Variants in SSBP2 observed in about 807,000 individuals in gnomAD.
SSBP2 encodes the protein single-stranded DNA-binding protein 2.
In SSBP2, 17 loss-of-function variants were observed where a neutral mutation model predicts 61.8. That is an observed-to-expected ratio of 0.28 (90% CI 0.19 to 0.41). The LOEUF (loss-of-function observed/expected upper bound fraction) is 0.41, where lower values mean the gene tolerates loss of function less well. Among genes scored for constraint, SSBP2 ranks in the 10% least tolerant of loss-of-function variants. SSBP2 has a pLI of 1.00. For synonymous variants in SSBP2, 139 were observed against 141.3 expected, an observed-to-expected ratio of 0.98 and a Z score of 0.12; for missense variants, 310 against 458.7, an observed-to-expected ratio of 0.68 and a Z score of 2.96.
In SSBP2 at chr5:81,416,588, T is replaced by C. The variant is rs1386522678; in HGVS notation, c.*3916A>G. ...GCAGTTCTGAATGCTTTGCTATACA[T>C]TCCTAGGGACAATATGATGAAGAAA... is the stretch of plus-strand genomic sequence containing the variant. On this transcript the variant is annotated 3_prime_UTR_variant, in exon 17 of 17. Coordinates refer to ENST00000320672, the MANE Select transcript of SSBP2 (RefSeq NM_012446.5). 6.6e-6 allele frequency: 1 copy of C among 152,170 alleles called. No homozygotes were observed. Among genetic ancestry groups the C allele is most frequent in the African/African-American group, 2.4e-5 (1 of 41,438 alleles). 9.4% of individuals were successfully genotyped at this position (152,170 alleles called of 1,614,324 possible).
chr5:81,574,097 C>T (rs538851196), intron 4 of SSBP2, among the ~76,000 whole-genome samples: 8 of 151,950 alleles, frequency 5.3e-5, no homozygotes, highest in East Asian at 3.9e-4. Context: ...GCCGAGATCG[C>T]GCCACTGCAC....
At chr5:81,603,958 C>T (rs577963811) in intron 4 of SSBP2, among the ~76,000 whole-genome samples, 1 of 152,132 alleles carries the variant, frequency 6.6e-6, no homozygotes, top group East Asian at 1.9e-4. Flanking sequence ...TATATGCAAA[C>T]CATCATTGAA....
intron 3 of SSBP2, among the ~76,000 whole-genome samples, chr5:81,625,711 G>C (rs115949663): frequency 1.9e-3 from 289 of 152,256 alleles, no homozygotes; most frequent in African/African-American, 6.8e-3. Context: ...TCCTGAGAAT[G>C]TAAGTTGAAA....
intron 1 of SSBP2, among the ~76,000 whole-genome samples, chr5:81,690,504 TAA>T (rs2153833390): frequency 6.6e-6 from 1 of 152,218 alleles, no homozygotes; most frequent in South Asian, 2.1e-4. Context: ...TATATAATGA[TAA>T]AGTGATCAAT....
chr5:81,507,787 G>A (rs1768294197), intron 5 of SSBP2, among the ~76,000 whole-genome samples: 1 of 152,072 alleles, frequency 6.6e-6, no homozygotes, highest in Admixed American at 6.6e-5. Flanking sequence ...AAATTCACAA[G>A]AGAAGCTTCC....
chr5:81,696,430 C>T (rs1252167755), intron 1 of SSBP2, among the ~76,000 whole-genome samples: 2 of 152,116 alleles, frequency 1.3e-5, no homozygotes, highest in African/African-American at 2.4e-5. Context: ...CTCTCACTGC[C>T]GATGAGCTAC....
At chr5:81,574,918 C>A (rs1774092078) in intron 4 of SSBP2, among the ~76,000 whole-genome samples, 1 of 152,174 alleles carries the variant, frequency 6.6e-6, no homozygotes, top group Admixed American at 6.5e-5. Flanking sequence ...AGCAGATCCA[C>A]ATAAATTATC....
intron 1 of SSBP2, among the ~76,000 whole-genome samples, chr5:81,685,918 A>T (rs1261800264): frequency 1.3e-5 from 2 of 152,228 alleles, no homozygotes; most frequent in African/African-American, 4.8e-5. Flanking sequence ...TTCCCCCAGA[A>T]TACCCCAAAA....
At chr5:81,506,688 G>T (rs985557791) in intron 5 of SSBP2, among the ~76,000 whole-genome samples, 8 of 152,084 alleles carry the variant, frequency 5.3e-5, no homozygotes, top group African/African-American at 1.4e-4. Context: ...TTAACTATAT[G>T]TATATAAACG....
intron 1 of SSBP2, among the ~76,000 whole-genome samples, chr5:81,721,790 A>G (rs898692650): frequency 1.3e-5 from 2 of 152,100 alleles, no homozygotes; most frequent in African/African-American, 2.4e-5. Flanking sequence ...CATCAGCATC[A>G]TTATAAGGAA....
At chr5:81,593,151 C>G (rs576829372) in intron 4 of SSBP2, among the ~76,000 whole-genome samples, 34 of 152,204 alleles carry the variant, frequency 2.2e-4, no homozygotes, top group African/African-American at 7.9e-4. Flanking sequence ...CTTAAAGGAC[C>G]TGATGGAGAT....
intron 1 of SSBP2, among the ~76,000 whole-genome samples, chr5:81,666,329 T>C (rs973947279): frequency 2.0e-5 from 3 of 152,152 alleles, no homozygotes; most frequent in Non-Finnish European, 2.9e-5. Context: ...ACAGGAATAA[T>C]TGCATTAGTT....
At chr5:81,726,225 G>A (rs547598716) in intron 1 of SSBP2, among the ~76,000 whole-genome samples, 6 of 152,240 alleles carry the variant, frequency 3.9e-5, no homozygotes, top group Admixed American at 3.9e-4. Context: ...TTTTGCACCT[G>A]AGGTCAGAAA....
At chr5:81,559,545 G>GAAAAAA (rs971304036) in intron 4 of SSBP2, among the ~76,000 whole-genome samples, 1 of 151,228 alleles carries the variant, frequency 6.6e-6, no homozygotes, top group Non-Finnish European at 1.5e-5. Context: ...CACAAAAAAG[G>GAAAAAA]AAAAAAAATT....
intron 10 of SSBP2, among the ~76,000 whole-genome samples, chr5:81,453,462 T>C (rs1219767948): frequency 5.4e-5 from 8 of 148,680 alleles, no homozygotes; most frequent in Non-Finnish European, 1.2e-4. Context: ...TATTCTTTTT[T>C]TTTTTTTTTT....
intron 1 of SSBP2, among the ~76,000 whole-genome samples, chr5:81,692,965 G>A (rs1753317552): frequency 6.6e-6 from 1 of 152,076 alleles, no homozygotes; most frequent in Non-Finnish European, 1.5e-5. Context: ...CAGCACTTTG[G>A]GAGGCTGAGG....
intron 4 of SSBP2, among the ~76,000 whole-genome samples, chr5:81,530,829 G>C (rs1456176505): frequency 1.3e-5 from 2 of 152,080 alleles, no homozygotes; most frequent in Non-Finnish European, 1.5e-5. Flanking sequence ...TAAACATACA[G>C]AATCATAATT....
At chr5:81,677,065 T>C (rs1330664769) in intron 1 of SSBP2, among the ~76,000 whole-genome samples, 1 of 152,156 alleles carries the variant, frequency 6.6e-6, no homozygotes, top group East Asian at 1.9e-4. Flanking sequence ...GTTTCTCAAG[T>C]TTACTTTAGT....
intron 15 of SSBP2, among the ~76,000 whole-genome samples, chr5:81,435,573 G>C (rs910820221): frequency 3.9e-5 from 6 of 152,184 alleles, no homozygotes; most frequent in Admixed American, 2.0e-4. Context: ...GGGAAAGTAA[G>C]CACAGAAGGA....
Sources: gnomAD v4.1 joint callset for allele counts (sites outside exome capture counted in the v4.1 genomes callset) on GRCh38, gnomAD v4.1.1 for gene constraint, MANE v1.5 for transcripts, NCBI Gene and HGNC (gene_info 2026-07-23, HGNC 2026-07-21) for gene names.